Variants in NOX4 observed in about 807,000 individuals in gnomAD.
The protein encoded by NOX4 is kidney oxidase-1.
NOX4 carries 69 observed loss-of-function variants against 87.6 expected under a neutral mutation model. That is an observed-to-expected ratio of 0.79 (90% CI 0.65 to 0.96). The LOEUF is 0.96. Among genes scored for constraint, NOX4 ranks in the 40% least tolerant of loss-of-function variants. NOX4 has a pLI of 0.00. For missense variants in NOX4, 680 were observed against 681.5 expected, an observed-to-expected ratio of 1.00 and a Z score of 0.02; for synonymous variants, 275 against 238.2, an observed-to-expected ratio of 1.15 and a Z score of -1.42.
At chr11:89,482,282 A>C (rs1946423627) in intron 2 of NOX4, among the ~76,000 whole-genome samples, 1 of 152,054 alleles carries the variant, frequency 6.6e-6, no homozygotes, top group Non-Finnish European at 1.5e-5. Flanking sequence ...AAATACATTA[A>C]CTTCAAATTA....
chr11:89,358,346 A>G (rs1231395717), intron 12 of NOX4, among the ~76,000 whole-genome samples: 4 of 145,150 alleles, frequency 2.8e-5, no homozygotes, highest in Non-Finnish European at 6.0e-5. Flanking sequence ...AGATCATGCC[A>G]TTACACTCCA....
chr11:89,354,888 T>C (rs1937891043), intron 13 of NOX4, 74 bp downstream of exon 13: 9 of 853,862 alleles, frequency 1.1e-5, no homozygotes, highest in Non-Finnish European at 1.6e-5. Context: ...TTACATTTTG[T>C]TTTTGCCTGC....
At position 89,415,803 on chromosome 11, in the gene NOX4, G is replaced by C. The variant is rs146072799; in HGVS notation, c.629+6099C>G. Reference sequence around the variant, plus strand: ...GAAACTAGGCATCTAGGAAGTATTAGAACAGGTCATCTATATCAGTGACAG... The same window carrying C: ...GAAACTAGGCATCTAGGAAGTATTACAACAGGTCATCTATATCAGTGACAG... On this transcript the variant is annotated intron_variant, in intron 8 of 17. Transcript: ENST00000263317. Among the ~76,000 whole-genome samples the C allele has an allele frequency of 2.0e-3, 297 of 152,156 alleles. 8 individuals carry two copies. In the East Asian group the frequency reaches 0.051, roughly 26 times the overall value.
chr11:89,425,722 T>G (rs963304762), intron 7 of NOX4, among the ~76,000 whole-genome samples: 1 of 152,068 alleles, frequency 6.6e-6, no homozygotes, highest in Non-Finnish European at 1.5e-5. Context: ...ACACTACATA[T>G]GTACAGTATT....
intron 8 of NOX4, among the ~76,000 whole-genome samples, chr11:89,410,303 A>T (rs1942407388): frequency 6.6e-6 from 1 of 152,216 alleles, no homozygotes. Context: ...AGTTATAGTT[A>T]AACAAATTTA....
intron 12 of NOX4, among the ~76,000 whole-genome samples, chr11:89,361,936 A>G (rs1450159935): frequency 6.6e-6 from 1 of 152,044 alleles, no homozygotes; most frequent in Non-Finnish European, 1.5e-5. Context: ...CCTCAGATGC[A>G]AAGCAAATAC....
intron 12 of NOX4, among the ~76,000 whole-genome samples, chr11:89,364,508 A>G (rs1938781897): frequency 6.6e-6 from 1 of 152,094 alleles, no homozygotes; most frequent in African/African-American, 2.4e-5. Flanking sequence ...GGCCATGTCA[A>G]AGCAATATAA....
At chr11:89,445,263 G>C (rs1317457636) in intron 4 of NOX4, among the ~76,000 whole-genome samples, 1 of 151,958 alleles carries the variant, frequency 6.6e-6, no homozygotes, top group African/African-American at 2.4e-5. Context: ...AGAAGACATA[G>C]CCTGGAATCT....
chr11:89,355,926 T>G (rs370905040), intron 12 of NOX4, among the ~76,000 whole-genome samples: 1 of 152,064 alleles, frequency 6.6e-6, no homozygotes, highest in African/African-American at 2.4e-5. Context: ...CATGAGAGAA[T>G]GGACATTTGT....
intron 2 of NOX4, among the ~76,000 whole-genome samples, chr11:89,486,598 ATACATATATATG>A (rs1565349283): frequency 0.014 from 1,967 of 135,834 alleles, 132 homozygotes; most frequent in African/African-American, 0.06. Context: ...ATGTGTATAT[ATACATATATATG>A]TGTGTATATA....
intron 11 of NOX4, among the ~76,000 whole-genome samples, chr11:89,386,916 T>A (rs1361998536): frequency 6.6e-6 from 1 of 152,116 alleles, no homozygotes; most frequent in Admixed American, 6.6e-5. Flanking sequence ...TTCTGTTTAG[T>A]TTCTCAATTA....
intron 6 of NOX4, among the ~76,000 whole-genome samples, chr11:89,440,151 T>C (rs989549717): frequency 6.6e-6 from 1 of 152,122 alleles, no homozygotes; most frequent in Non-Finnish European, 1.5e-5. Flanking sequence ...TGCTTATTTT[T>C]ACTCTCCATT....
At chr11:89,535,919 A>G in the NOX4 span, among the ~76,000 whole-genome samples, 1 of 152,156 alleles carries the variant, frequency 6.6e-6, no homozygotes, top group Non-Finnish European at 1.5e-5. Context: ...TTCCAAAGAT[A>G]GAAGCACTGA....
At position 89,324,491 on chromosome 11, in the gene NOX4, T is replaced by C. The variant is rs1433353704; in HGVS notation, c.*2265A>G. On this transcript the variant is annotated 3_prime_UTR_variant, in exon 18 of 18. Coordinates refer to ENST00000263317, the MANE Select transcript of NOX4 (RefSeq NM_016931.5). ...AGATGAAGCCCTGCAGAAGCAAAGA[T>C]GACCTATGTTTAACATTTAACATTT... is the stretch of plus-strand genomic sequence containing the variant. 6.6e-6 allele frequency: 1 copy of C among 152,170 alleles called. No homozygotes were observed. Among genetic ancestry groups the C allele is most frequent in the Non-Finnish European group, 1.5e-5 (1 of 68,040 alleles). The allele number at this position is 152,170 out of a possible 1,614,324, so 9.4% of individuals were successfully genotyped here. A position where few individuals can be genotyped will look rare whatever the true frequency, so the allele number is the denominator to read the frequency against.
intron 2 of NOX4, among the ~76,000 whole-genome samples, chr11:89,483,778 A>C (rs916503700): frequency 2.0e-5 from 3 of 152,174 alleles, no homozygotes; most frequent in African/African-American, 7.2e-5. Context: ...AAAGATAAGC[A>C]TGTAAGGTAA....
chr11:89,394,594 C>T (rs561091039), intron 11 of NOX4, among the ~76,000 whole-genome samples: 21 of 152,208 alleles, frequency 1.4e-4, no homozygotes, highest in Non-Finnish European at 2.2e-4. Flanking sequence ...CGTTGGTTTG[C>T]TGCACCCATA....
intron 12 of NOX4, among the ~76,000 whole-genome samples, chr11:89,356,535 G>A (rs1938071273): frequency 6.6e-6 from 1 of 152,192 alleles, no homozygotes; most frequent in East Asian, 1.9e-4. Flanking sequence ...GAATAGGTAT[G>A]CATTACCTCT....
the NOX4 span, among the ~76,000 whole-genome samples, chr11:89,527,815 A>C: frequency 6.6e-6 from 1 of 152,158 alleles, no homozygotes; most frequent in Non-Finnish European, 1.5e-5. Flanking sequence ...GCAGTGTGGA[A>C]GGGAAAGGGA....
chr11:89,337,638 TA>T (rs1590955004), intron 15 of NOX4, 123 bp from the exon 16 acceptor site: 6 of 1,336,322 alleles, frequency 4.5e-6, no homozygotes, highest in Non-Finnish European at 6.2e-6. Context: ...TCAATATCTA[TA>T]AGAAAATGAA....
Sources: gnomAD v4.1 joint callset for allele counts (sites outside exome capture counted in the v4.1 genomes callset) on GRCh38, gnomAD v4.1.1 for gene constraint, MANE v1.5 for transcripts, NCBI Gene and HGNC (gene_info 2026-07-23, HGNC 2026-07-21) for gene names.